CCDC88B: variants seen among roughly 807,000 people sequenced by gnomAD.
The protein encoded by CCDC88B is coiled-coil and HOOK domain protein 88B.
Under a neutral mutation model 183.7 loss-of-function variants are expected in CCDC88B, and 138 were observed. That is an observed-to-expected ratio of 0.75 (90% confidence interval 0.65 to 0.87). The LOEUF (loss-of-function observed/expected upper bound fraction) is 0.87, where lower values mean the gene tolerates loss of function less well. Ranked by LOEUF, CCDC88B falls within the 40% of genes least tolerant of loss-of-function variation. The pLI is 0.00. For missense variants in CCDC88B, 1,822 were observed against 1,965.6 expected, an observed-to-expected ratio of 0.93 and a Z score of 1.38; for synonymous variants, 835 against 867.5, an observed-to-expected ratio of 0.96 and a Z score of 0.66.
In CCDC88B at chr11:64,340,249, G is replaced by A. The variant is rs564385376; in HGVS notation, c.-18G>A. The A allele has an allele frequency of 4.3e-5, 55 of 1,265,214 alleles. No individual in the cohort carries two copies. The highest frequency in any genetic ancestry group is 5.2e-5 in the Non-Finnish European group (52 of 994,902). The allele number at this position is 1,265,214 out of a possible 1,614,324, so 78.4% of individuals were successfully genotyped here. A position where few individuals can be genotyped will look rare whatever the true frequency, so the allele number is the denominator to read the frequency against. ...GCAGGTGCAGCTGCCACAGTGAGAC[G>A]GGCACCCCGACCCGGGCATGGAGGG... is the stretch of plus-strand genomic sequence containing the variant. On this transcript the variant is annotated 5_prime_UTR_variant, in exon 1 of 27. Coordinates refer to ENST00000356786, the MANE Select transcript of CCDC88B (RefSeq NM_032251.6).
chr11:64,351,220 AC>A lies in CCDC88B; in HGVS notation c.2926del (p.Gln976ArgfsTer117). 2 of 1,528,484 alleles carry A rather than the reference AC, an allele frequency of 1.3e-6. No individual in the cohort carries two copies. The highest frequency in any genetic ancestry group is 1.8e-6 in the Non-Finnish European group (2 of 1,138,706). The allele number at this position is 1,528,484 out of a possible 1,614,324, so 94.7% of individuals were successfully genotyped here. On this transcript the variant is annotated frameshift_variant, in exon 17 of 27. Transcript: ENST00000356786. LOFTEE classifies it high-confidence loss of function. Reference protein sequence around the residue: ...KKRAEPQLVETQNVRLIEVER... With the variant: ...KKRAEPQLVEXQNVRLIEVER... ...GCGTGCGGAGCCTCAGCTGGTGGAG[AC>A]CCAGAATGTGCGGCTTATTGAGGTG... is the stretch of plus-strand genomic sequence containing the variant.
Position 64,343,831 on chromosome 11 carries a change from G to T in CCDC88B, c.1372G>T (p.Ala458Ser), listed in dbSNP as rs1315026012. Residue 458 changes from alanine (A) to serine (S), a missense_variant, in exon 13 of 27, where the codon GCT (alanine) becomes TCT (serine). Ala to Ser is a moderately conservative substitution (Grantham distance 99). Transcript: ENST00000356786. Reference sequence around the variant, plus strand: ...GCAAGATGAGGTGAGGGAGGCAGAGGCTGGGCGGCTTCGGACCCTTGAGAG... The same window carrying T: ...GCAAGATGAGGTGAGGGAGGCAGAGTCTGGGCGGCTTCGGACCCTTGAGAG... ...SLQDEVREAE[A>S]GRLRTLEREN... 3 of 1,596,610 alleles carry T rather than the reference G, an allele frequency of 1.9e-6. No individual in the cohort carries two copies. The highest frequency in any genetic ancestry group is 2.7e-5 in the African/African-American group (2 of 74,526).
In CCDC88B at chr11:64,342,326, A is replaced by G. The variant is rs867785702; in HGVS notation, c.854A>G (p.Gln285Arg). 6.3e-7 allele frequency: 1 copy of G among 1,594,894 alleles called. No homozygotes were observed. Among genetic ancestry groups the G allele is most frequent in the Non-Finnish European group, 8.5e-7 (1 of 1,171,364 alleles). ...EEKAELLLDS[Q>R]AEVQGLEAEI... The stretch of plus-strand genomic sequence containing the variant: ...AAGGCCGAGCTGCTGCTAGACTCCC[A>G]GGCCGAGGTGCAGGGTTTGGAGGCC... The change falls in exon 9 of 27, where the codon CAG (glutamine) becomes CGG (arginine). Residue 285 changes from glutamine (Q) to arginine (R), a missense_variant. By Grantham distance (43) the Gln-to-Arg change is conservative (BLOSUM62 1). Transcript: ENST00000356786.
chr11:64,345,974 C>T (rs1400401654), intron 14 of CCDC88B, among the ~76,000 whole-genome samples: 1 of 152,184 alleles, frequency 6.6e-6, no homozygotes, highest in African/African-American at 2.4e-5. Flanking sequence ...CACTATACTC[C>T]AGCCTGGGCG....
intron 23 of CCDC88B, 80 bp from the exon 24 acceptor site, chr11:64,353,924 G>A: frequency 6.4e-7 from 1 of 1,568,370 alleles, no homozygotes; most frequent in East Asian, 2.3e-5. Flanking sequence ...AGGTCAACCT[G>A]GCCTTTGACA....
chr11:64,344,673 G>C lies in CCDC88B; in HGVS notation c.2132G>C (p.Trp711Ser). 6.2e-7 allele frequency: 1 copy of C among 1,614,106 alleles called. No individual in the cohort carries two copies. Among genetic ancestry groups the C allele is most frequent in the Non-Finnish European group, 8.5e-7 (1 of 1,180,006 alleles). Residue 711 changes from tryptophan (W) to serine (S), a missense_variant, in exon 14 of 27, where the codon TGG (tryptophan) becomes TCG (serine). Coordinates refer to ENST00000356786, the MANE Select transcript of CCDC88B (RefSeq NM_032251.6). The surrounding 1 kb of genome is among the most constrained non-coding windows in gnomAD (Gnocchi z 4.5). ...KSEGALEVQVWEGPIPGESLA... is the reference protein window; with the variant it reads ...KSEGALEVQVSEGPIPGESLA... ...GAAGGGGCTCTTGAGGTCCAGGTCT[G>C]GGAAGGCCCAATCCCAGGGGAGAGC...
intron 16 of CCDC88B, chr11:64,350,661 G>A (rs371083052): frequency 4.5e-4 from 68 of 152,350 alleles, no homozygotes; most frequent in Middle Eastern, 3.4e-3. Context: ...ACTCCAGCCC[G>A]GGTGACAGAG....
At position 64,341,333 on chromosome 11, in the gene CCDC88B, G is replaced by A. The variant is rs1021906628; in HGVS notation, c.447+5G>A. On this transcript the variant is annotated splice_donor_5th_base_variant and intron_variant, in intron 5 of 26. Coordinates refer to ENST00000356786, the MANE Select transcript of CCDC88B (RefSeq NM_032251.6). Reference sequence around the variant, plus strand: ...CTGTTGGGAGCGTCAGTACAGGTGAGCCGGCGGTGGGAAGGAAAGGTTAGG... The same window carrying A: ...CTGTTGGGAGCGTCAGTACAGGTGAACCGGCGGTGGGAAGGAAAGGTTAGG... The A allele has an allele frequency of 6.2e-7, 1 of 1,614,098 alleles. No homozygotes were observed. Among genetic ancestry groups the A allele is most frequent in the Non-Finnish European group, 8.5e-7 (1 of 1,180,010 alleles).
intron 22 of CCDC88B, 31 bp from the exon 23 acceptor site, chr11:64,353,682 TCA>T: frequency 6.2e-7 from 1 of 1,611,822 alleles, no homozygotes; most frequent in Non-Finnish European, 8.5e-7. Flanking sequence ...TCCCTGGGCC[TCA>T]CACCCACCTC....
chr11:64,352,479 A>G, intron 19 of CCDC88B, 93 bp downstream of exon 19: 1 of 1,436,490 alleles, frequency 7.0e-7, no homozygotes, highest in Non-Finnish European at 9.2e-7. Flanking sequence ...ATCAGGAAGC[A>G]CCTCCACCTC....
chr11:64,355,435 C>T, intron 25 of CCDC88B, 35 bp downstream of exon 25: 1 of 1,584,952 alleles, frequency 6.3e-7, no homozygotes, highest in Non-Finnish European at 8.6e-7. Context: ...AGCCAGCCCC[C>T]CAACTCTTTG....
chr11:64,342,609 C>CG lies in CCDC88B; in HGVS notation c.992dup (p.Leu332ProfsTer16). On this transcript the variant is annotated frameshift_variant, in exon 10 of 27. Coordinates refer to ENST00000356786, the MANE Select transcript of CCDC88B (RefSeq NM_032251.6). LOFTEE classifies it high-confidence loss of function. ...GCGGGAGCGGGCCGGCCGCCTGCCC[C>CG]GCCTGCAGGAGGAGCTGAGGCGCTG... 6.5e-7 allele frequency: 1 copy of CG among 1,530,826 alleles called. No homozygotes were observed. The highest frequency in any genetic ancestry group is 8.7e-7 in the Non-Finnish European group (1 of 1,145,076). The allele number at this position is 1,530,826 out of a possible 1,614,324, so 94.8% of individuals were successfully genotyped here. A position where few individuals can be genotyped will look rare whatever the true frequency, so the allele number is the denominator to read the frequency against.
In CCDC88B at chr11:64,349,317, C is replaced by T; in HGVS notation, c.2617-14C>T. ...CCTGCCCCCTTGCCCTGAGCCTGCT[C>T]TGCTTGCCCTCAGGAGCTGGAGAAA... On this transcript the variant is annotated splice_polypyrimidine_tract_variant and intron_variant, in intron 14 of 26. Transcript: ENST00000356786. 1 of 1,589,370 alleles carries T rather than the reference C, an allele frequency of 6.3e-7. No homozygotes were observed. The highest frequency in any genetic ancestry group is 2.3e-5 in the East Asian group (1 of 44,140).
In CCDC88B at chr11:64,344,307, C is replaced by G; in HGVS notation, c.1766C>G (p.Pro589Arg). The G allele has an allele frequency of 1.2e-6, 2 of 1,613,588 alleles. No individual in the cohort carries two copies. Among genetic ancestry groups the G allele is most frequent in the Non-Finnish European group, 1.7e-6 (2 of 1,179,936 alleles). The change falls in exon 14 of 27, where the codon CCG (proline) becomes CGG (arginine). Residue 589 changes from proline (P) to arginine (R), a missense_variant. Transcript: ENST00000356786. This position sits in a 1 kb window ranked among gnomAD's most constrained non-coding sequence, Gnocchi z 4.5. ...TCTCCTGTGGAGACACAGGAGTCCC[C>G]GGAGAAGGCTGGCCGTAGATCCTCT... ...SGSPVETQES[P>R]EKAGRRSSLQ...
At chr11:64,348,712 GCC>G in intron 14 of CCDC88B, 1 of 430,438 alleles carries the variant, frequency 2.3e-6, no homozygotes, top group African/African-American at 2.0e-5. Context: ...ATCCTGCCAG[GCC>G]CCCCATGTGG....
At position 64,340,641 on chromosome 11, in the gene CCDC88B, A is replaced by T; in HGVS notation, c.95A>T (p.Glu32Val). The T allele has an allele frequency of 6.2e-7, 1 of 1,610,628 alleles. No homozygotes were observed. The highest frequency in any genetic ancestry group is 8.5e-7 in the Non-Finnish European group (1 of 1,179,678). ...CTGGCCGGGCTGGTCGGGGAGGCGG[A>T]GGACTCGGAGGGGGAAGAAGAGGAA... ...LGLAGLVGEA[E>V]DSEGEEEEEE... Residue 32 changes from glutamate (E) to valine (V), a missense_variant, in exon 2 of 27, where the codon GAG becomes GTG. Glu to Val is a moderately radical substitution (Grantham distance 121, BLOSUM62 -2). Coordinates refer to ENST00000356786, the MANE Select transcript of CCDC88B (RefSeq NM_032251.6).
In CCDC88B at chr11:64,357,246, G is replaced by A. The variant is rs781710287; in HGVS notation, c.*152G>A. ...GGCCCTGAGATCCTCCACGGTCAGC[G>A]CCGGGGCCCGGAGATGGAGCTGGGA... On this transcript the variant is annotated 3_prime_UTR_variant, in exon 27 of 27. Transcript: ENST00000356786. 1.3e-5 allele frequency: 12 copies of A among 923,534 alleles called. No homozygotes were observed. Among genetic ancestry groups the A allele is most frequent in the Non-Finnish European group, 1.8e-5 (10 of 567,790 alleles). 57.2% of individuals were successfully genotyped at this position (923,534 alleles called of 1,614,324 possible).
intron 14 of CCDC88B, among the ~76,000 whole-genome samples, chr11:64,347,311 T>C (rs1188319451): frequency 6.6e-6 from 1 of 152,124 alleles, no homozygotes; most frequent in Non-Finnish European, 1.5e-5. Context: ...GTGAGCAAAG[T>C]GGTCAGGTCT....
At chr11:64,352,071 A>G in intron 18 of CCDC88B, 59 bp from the exon 19 acceptor site, 1 of 1,506,380 alleles carries the variant, frequency 6.6e-7, no homozygotes. Context: ...CCCGCCTCTC[A>G]CTCGATTTCC....
Sources: allele counts gnomAD v4.1 joint callset (sites outside exome capture counted in the v4.1 genomes callset), GRCh38; gene constraint gnomAD v4.1.1; non-coding constraint Gnocchi (gnomAD v3.1); transcripts MANE v1.5; gene names NCBI Gene and HGNC (gene_info 2026-07-23, HGNC 2026-07-21).